MSRA: variants seen among roughly 807,000 people sequenced by gnomAD.
MSRA encodes mitochondrial peptide methionine sulfoxide reductase.
A neutral mutation model predicts 31.3 loss-of-function variants in MSRA; 54 were observed. That is an observed-to-expected ratio of 1.73 (90% confidence interval 1.39 to 2.17). The LOEUF is 2.17. MSRA is among the 30% of genes most tolerant of loss of function. The pLI is 0.00. For synonymous variants in MSRA, 169 were observed against 116.5 expected (o/e 1.45, Z -2.90); for missense variants, 507 against 300.9 (o/e 1.69, Z -5.07).
At chr8:10,153,163 C>CT (rs2129037793) in intron 1 of MSRA, among the ~76,000 whole-genome samples, 1 of 152,234 alleles carries the variant, frequency 6.6e-6, no homozygotes, top group East Asian at 1.9e-4. Flanking sequence ...TATGAGGTGT[C>CT]TTTCACCACA....
intron 1 of MSRA, among the ~76,000 whole-genome samples, chr8:10,179,907 T>G (rs1806387123): frequency 6.6e-6 from 1 of 152,336 alleles, no homozygotes; most frequent in Non-Finnish European, 1.5e-5. Context: ...TTGTTCTAAG[T>G]GGGAAAACTG....
chr8:10,292,655 G>T (rs1032981385), intron 3 of MSRA, among the ~76,000 whole-genome samples: 1 of 152,254 alleles, frequency 6.6e-6, no homozygotes, highest in Admixed American at 6.5e-5. Context: ...TCCCTGCACA[G>T]CGCCTCTTCC....
intron 3 of MSRA, among the ~76,000 whole-genome samples, chr8:10,252,710 C>T (rs370567646): frequency 6.6e-5 from 10 of 152,192 alleles, no homozygotes; most frequent in South Asian, 2.1e-4. Context: ...GATTTGTCCA[C>T]GAAGCATGGG....
intron 2 of MSRA, among the ~76,000 whole-genome samples, chr8:10,231,409 C>T (rs571161182): frequency 6.6e-6 from 1 of 152,156 alleles, no homozygotes; most frequent in Non-Finnish European, 1.5e-5. Context: ...AAGATATTGG[C>T]TTGGTAGTCA....
chr8:10,057,514 G>T (rs1003629787), intron 1 of MSRA, among the ~76,000 whole-genome samples: 2 of 152,144 alleles, frequency 1.3e-5, no homozygotes, highest in Non-Finnish European at 2.9e-5. Context: ...GTGAATTATT[G>T]TAATTATTGT....
intron 3 of MSRA, among the ~76,000 whole-genome samples, chr8:10,267,559 G>A (rs1054955354): frequency 6.6e-6 from 1 of 152,098 alleles, no homozygotes; most frequent in Non-Finnish European, 1.5e-5. Context: ...GATTTGTCCC[G>A]GGGAATTACT....
rs1797404885 is a variant in MSRA at position 10,242,800 on chromosome 8, G to C, written c.212-2304G>C. On this transcript the variant is annotated intron_variant, in intron 2 of 5. Transcript: ENST00000317173. ...TAGCTTAAACCTGCAGCCGCTAGTTGAAATGTTGCTTCATGGAGTTTTATC... is the reference window on the plus strand; with the variant it reads ...TAGCTTAAACCTGCAGCCGCTAGTTCAAATGTTGCTTCATGGAGTTTTATC... Among the ~76,000 whole-genome samples, 3 of 152,100 alleles carry C rather than the reference G, an allele frequency of 2.0e-5. No homozygotes were observed. The South Asian group carries it at 6.2e-4, about 32-fold the overall frequency.
chr8:10,307,522 A>T (rs1254324196), intron 4 of MSRA, among the ~76,000 whole-genome samples: 1 of 152,342 alleles, frequency 6.6e-6, no homozygotes, highest in East Asian at 1.9e-4. Flanking sequence ...TAGTACATTT[A>T]AAAAAGCAAA....
At chr8:10,212,809 A>G (rs114713036) in intron 2 of MSRA, among the ~76,000 whole-genome samples, 1,643 of 152,280 alleles carry the variant, frequency 0.011, 30 homozygotes, top group African/African-American at 0.037. Context: ...ATTACTGAGA[A>G]TTGACTTTGT....
At chr8:10,394,357 G>C (rs914379861) in intron 5 of MSRA, among the ~76,000 whole-genome samples, 4 of 152,206 alleles carry the variant, frequency 2.6e-5, no homozygotes. Context: ...GCCATAAACA[G>C]AGTTCCCTAG....
rs148911563 is a variant in MSRA at position 10,254,255 on chromosome 8, C to T, written c.331+9032C>T. Among the ~76,000 whole-genome samples, 1,431 of 152,272 alleles carry T rather than the reference C, an allele frequency of 9.4e-3. 22 individuals are homozygous for T. Among genetic ancestry groups the T allele is most frequent in the African/African-American group, 0.033 (1,357 of 41,542 alleles). On this transcript the variant is annotated intron_variant, in intron 3 of 5. Transcript: ENST00000317173. ...CGTTCTGATGAGGGTGACCACCTAC[C>T]CACAACGTGTTTTGAACTCTTTTAT... is the stretch of plus-strand genomic sequence containing the variant.
intron 2 of MSRA, among the ~76,000 whole-genome samples, chr8:10,227,891 AC>A (rs1369303639): frequency 2.0e-5 from 3 of 152,218 alleles, no homozygotes; most frequent in African/African-American, 7.2e-5. Context: ...GCATTATTTA[AC>A]ATGATGTAGA....
chr8:10,166,045 A>C (rs1455098001), intron 1 of MSRA, among the ~76,000 whole-genome samples: 54 of 152,170 alleles, frequency 3.5e-4, no homozygotes, highest in Non-Finnish European at 2.8e-4. Flanking sequence ...CCGTGTGGGC[A>C]CAGGATGGAC....
At position 10,113,289 on chromosome 8, in the gene MSRA, CTTCTTT is replaced by C. The variant is rs1483320082; in HGVS notation, c.142+58634_142+58639del. On this transcript the variant is annotated intron_variant, in intron 1 of 5. Coordinates refer to ENST00000317173, the MANE Select transcript of MSRA (RefSeq NM_012331.5). The stretch of plus-strand genomic sequence containing the variant: ...AGGCATGGCTTTGGTGAAGACAGGT[CTTCTTT>C]TTTTTTTTTTTTTTTTTTTGGAGGT... Among the ~76,000 whole-genome samples the C allele has an allele frequency of 1.1e-3, 55 of 50,902 alleles. 10 individuals carry two copies. The highest frequency in any genetic ancestry group is 9.4e-4 in the South Asian group (1 of 1,062). 33.4% of individuals were successfully genotyped at this position (50,902 alleles called of 152,430 possible). A position where few individuals can be genotyped will look rare whatever the true frequency, so the allele number is the denominator to read the frequency against.
intron 1 of MSRA, among the ~76,000 whole-genome samples, chr8:10,113,734 T>C (rs1204111969): frequency 2.0e-5 from 3 of 151,860 alleles, no homozygotes; most frequent in African/African-American, 7.3e-5. Context: ...AGATTGTGCA[T>C]TGAAGCCTTA....
chr8:10,081,027 C>T (rs938325656), intron 1 of MSRA, among the ~76,000 whole-genome samples: 5 of 152,188 alleles, frequency 3.3e-5, no homozygotes, highest in African/African-American at 7.2e-5. Flanking sequence ...TAGGGAGATG[C>T]CTGGGCAGGA....
intron 5 of MSRA, among the ~76,000 whole-genome samples, chr8:10,327,792 G>A (rs1338926729): frequency 6.6e-6 from 1 of 152,100 alleles, no homozygotes; most frequent in Non-Finnish European, 1.5e-5. Flanking sequence ...AGTTAGTCAG[G>A]CGTGGTGGTG....
chr8:10,058,964 C>G (rs1041065340), intron 1 of MSRA: 6 of 152,102 alleles, frequency 3.9e-5, no homozygotes, highest in Non-Finnish European at 5.9e-5. Context: ...ATGAATTGGC[C>G]TACTTTGAAT....
chr8:10,402,148 T>C, intron 5 of MSRA, among the ~76,000 whole-genome samples: 1 of 152,314 alleles, frequency 6.6e-6, no homozygotes, highest in East Asian at 1.9e-4. Flanking sequence ...ATTTCGATCG[T>C]GAACATTGCT....
Sources: gnomAD v4.1 joint callset for allele counts (sites outside exome capture counted in the v4.1 genomes callset) on GRCh38, gnomAD v4.1.1 for gene constraint, MANE v1.5 for transcripts, NCBI Gene and HGNC (gene_info 2026-07-23, HGNC 2026-07-21) for gene names.